NLGN1: variants seen among roughly 807,000 people sequenced by gnomAD.
NLGN1 encodes the protein neuroligin-1.
A neutral mutation model predicts 65.5 loss-of-function variants in NLGN1; 12 were observed. That is an observed-to-expected ratio of 0.18 (90% CI 0.12 to 0.30). NLGN1 has a LOEUF of 0.30. NLGN1 is among the 10% of genes least tolerant of loss of function. NLGN1 has a pLI of 1.00. For missense variants in NLGN1, 750 were observed against 1,007.1 expected (o/e 0.74, Z 3.46); for synonymous variants, 350 against 359.5 (o/e 0.97, Z 0.30).
chr3:174,289,957 A>ATATATATATATGTATATATATATGTG (rs1752563810), downstream of NLGN1, among the ~76,000 whole-genome samples: 4 of 41,568 alleles, frequency 9.6e-5, no homozygotes, highest in East Asian at 2.5e-4. Flanking sequence ...ATATATGTGT[A>ATATATATATATGTATATATATATGTG]TATATATATA....
intron 3 of NLGN1, among the ~76,000 whole-genome samples, chr3:173,694,812 A>C (rs1437317007): frequency 6.6e-6 from 1 of 152,216 alleles, no homozygotes; most frequent in Non-Finnish European, 1.5e-5. Context: ...GTGACAAGAC[A>C]CATGACATGC....
intron 4 of NLGN1, among the ~76,000 whole-genome samples, chr3:174,143,744 T>G (rs866937152): frequency 3.3e-5 from 5 of 152,146 alleles, no homozygotes; most frequent in Non-Finnish European, 4.4e-5. Context: ...TTTATTTTCT[T>G]CCATCAGACA....
intron 4 of NLGN1, among the ~76,000 whole-genome samples, chr3:173,979,217 C>A (rs976887516): frequency 6.6e-6 from 1 of 151,774 alleles, no homozygotes; most frequent in Non-Finnish European, 1.5e-5. Flanking sequence ...AGATAACTCT[C>A]CCACAAGAAC....
chr3:173,772,307 A>G lies in NLGN1; in HGVS notation c.494-35373A>G, dbSNP rs115715484. ...CTCATATTCAGTCATGAAGTTTTAG[A>G]AGCTACTCAGTTTAAAAATGAAATA... On this transcript the variant is annotated intron_variant, in intron 3 of 6. Coordinates refer to ENST00000457714, the Ensembl canonical transcript of NLGN1. Among the ~76,000 whole-genome samples, 875 of 152,192 alleles carry G rather than the reference A, an allele frequency of 5.7e-3. 3 individuals are homozygous for G. The highest frequency in any genetic ancestry group is 0.02 in the African/African-American group (830 of 41,514).
chr3:173,458,639 C>T (rs554337172), intron 2 of NLGN1, among the ~76,000 whole-genome samples: 48 of 152,230 alleles, frequency 3.2e-4, no homozygotes, highest in Non-Finnish European at 5.1e-4. Context: ...TCCAGTTCCT[C>T]ATCACCCACT....
chr3:174,036,787 G>A (rs1172218211), intron 4 of NLGN1, among the ~76,000 whole-genome samples: 2 of 151,802 alleles, frequency 1.3e-5, no homozygotes, highest in Non-Finnish European at 1.5e-5. Flanking sequence ...CCAGTGTGTG[G>A]GGTTCCCCTC....
rs143579896 is a variant in NLGN1 at position 173,780,518 on chromosome 3, C to T, written c.494-27162C>T. Among the ~76,000 whole-genome samples, 574 of 152,288 alleles carry T rather than the reference C, an allele frequency of 3.8e-3. 5 individuals are homozygous for T. Among genetic ancestry groups the T allele is most frequent in the African/African-American group, 0.013 (540 of 41,562 alleles). ...AATTGACCATCTATACCTTCAATGC[C>T]ACATGTACTAGCAACCAAGACAATA... On this transcript the variant is annotated intron_variant, in intron 3 of 6. Transcript: ENST00000457714.
Position 174,275,534 on chromosome 3 carries a change from T to G in NLGN1, c.859+7T>G. 6.2e-7 allele frequency: 1 copy of G among 1,607,062 alleles called. No homozygotes were observed. The highest frequency in any genetic ancestry group is 8.5e-7 in the Non-Finnish European group (1 of 1,174,908). On this transcript the variant is annotated splice_region_variant and intron_variant, in intron 5 of 6. Coordinates refer to ENST00000457714, the Ensembl canonical transcript of NLGN1. ...TGGAGCAATTCAACCAAAGGTATTA[T>G]GCAAGGTTGCAAATTTTGACAATTT... is the stretch of plus-strand genomic sequence containing the variant.
intron 4 of NLGN1, among the ~76,000 whole-genome samples, chr3:174,023,379 T>C (rs988485231): frequency 2.0e-5 from 3 of 152,136 alleles, no homozygotes; most frequent in Non-Finnish European, 4.4e-5. Flanking sequence ...CTAGGATATA[T>C]GTAACGCTTT....
intron 2 of NLGN1, among the ~76,000 whole-genome samples, chr3:173,439,406 C>A (rs16826524): frequency 2.0e-5 from 3 of 151,786 alleles, no homozygotes; most frequent in Non-Finnish European, 4.4e-5. Flanking sequence ...TGAGTAAATG[C>A]GTTATGCTCC....
At chr3:174,042,654 G>C (rs1732603296) in intron 4 of NLGN1, among the ~76,000 whole-genome samples, 1 of 152,168 alleles carries the variant, frequency 6.6e-6, no homozygotes, top group African/African-American at 2.4e-5. Flanking sequence ...ACTAGTCACT[G>C]TGATAATTGT....
At chr3:174,064,105 G>A (rs140853845) in intron 4 of NLGN1, among the ~76,000 whole-genome samples, 3,496 of 152,048 alleles carry the variant, frequency 0.023, 128 homozygotes, top group African/African-American at 0.075. Flanking sequence ...TTGTGCCATT[G>A]CTCTCCAGCC....
At chr3:174,270,927 C>G (rs1392924825) in intron 4 of NLGN1, among the ~76,000 whole-genome samples, 2 of 151,746 alleles carry the variant, frequency 1.3e-5, no homozygotes, top group Admixed American at 1.3e-4. Context: ...TCCATATTCC[C>G]AAGTCCCTAG....
At chr3:173,667,728 C>G (rs1006199799) in intron 3 of NLGN1, among the ~76,000 whole-genome samples, 3 of 152,124 alleles carry the variant, frequency 2.0e-5, no homozygotes, top group Non-Finnish European at 4.4e-5. Context: ...CTCCTGGGTT[C>G]AAGTGATTCT....
At chr3:173,498,877 C>G (rs1396548685) in intron 2 of NLGN1, among the ~76,000 whole-genome samples, 1 of 151,780 alleles carries the variant, frequency 6.6e-6, no homozygotes, top group Non-Finnish European at 1.5e-5. Context: ...TGTTCATATC[C>G]TTCGCCCACT....
chr3:173,858,982 A>T (rs1311297909), intron 4 of NLGN1, among the ~76,000 whole-genome samples: 1 of 152,118 alleles, frequency 6.6e-6, no homozygotes, highest in Non-Finnish European at 1.5e-5. Context: ...CTTTTGTATT[A>T]GAGAAAATCA....
In NLGN1 at chr3:173,567,673, A is replaced by G. The variant is rs111423448; in HGVS notation, c.-320-36606A>G. On this transcript the variant is annotated intron_variant, in intron 2 of 6. Transcript: ENST00000457714. ...GCATATTTTACCTAAATATTTCACT[A>G]TTTCTGGGTATTTTAATTATTCCTA... is the stretch of plus-strand genomic sequence containing the variant. Among the ~76,000 whole-genome samples, 366 of 151,852 alleles carry G rather than the reference A, an allele frequency of 2.4e-3. 2 individuals carry two copies. The highest frequency in any genetic ancestry group is 8.6e-3 in the African/African-American group (356 of 41,508).
At chr3:174,284,230 G>A (rs1287800165) in exon 7 of NLGN1, 1 of 151,350 alleles carries the variant, frequency 6.6e-6, no homozygotes, top group Non-Finnish European at 1.5e-5. Context: ...AAGTCATTGT[G>A]AATGAGTGTT....
At chr3:174,256,629 GT>G (rs1487653644) in intron 4 of NLGN1, among the ~76,000 whole-genome samples, 2 of 151,974 alleles carry the variant, frequency 1.3e-5, no homozygotes, top group African/African-American at 4.8e-5. Context: ...CTAGATTGTG[GT>G]TTTACCCCAT....
Sources: gnomAD v4.1 joint callset for allele counts (sites outside exome capture counted in the v4.1 genomes callset) on GRCh38, gnomAD v4.1.1 for gene constraint, MANE v1.5 for transcripts, NCBI Gene and HGNC (gene_info 2026-07-23, HGNC 2026-07-21) for gene names.